DNAAF5: variants seen among roughly 807,000 people sequenced by gnomAD.
DNAAF5 encodes the protein HEAT repeat containing 2.
In DNAAF5, 64 loss-of-function variants were observed where a neutral mutation model predicts 75.8. That is an observed-to-expected ratio of 0.84 (90% CI 0.69 to 1.04). The LOEUF (loss-of-function observed/expected upper bound fraction) is 1.04. DNAAF5 is among the 50% of genes least tolerant of loss of function. The pLI, the probability that DNAAF5 is intolerant of heterozygous loss-of-function variation, is 0.00. For missense variants in DNAAF5, 1,269 were observed against 1,178.5 expected, an observed-to-expected ratio of 1.08 and a Z score of -1.12; for synonymous variants, 657 against 557.2, an observed-to-expected ratio of 1.18 and a Z score of -2.52.
In DNAAF5 at chr7:762,765, C is replaced by G. The variant is rs539606381; in HGVS notation, c.1614+869C>G. 1.2e-3 allele frequency among the ~76,000 whole-genome samples: 175 copies of G among 152,128 alleles called. 1 individual carries two copies. The highest frequency in any genetic ancestry group is 3.8e-3 in the African/African-American group (156 of 41,546). On this transcript the variant is annotated intron_variant, in intron 7 of 12. Transcript: ENST00000297440. ...AGTAGCCGGGATTACAGGCGCCCAC[C>G]ACCATACCCGGCTAATTTTTATATT...
intron 9 of DNAAF5, chr7:771,933 C>T (rs1016390879): frequency 6.6e-6 from 1 of 150,988 alleles, no homozygotes; most frequent in Non-Finnish European, 1.5e-5. Context: ...AATGAACTTA[C>T]TAGCTATTTT....
chr7:735,466 C>A (rs141490366), intron 2 of DNAAF5, among the ~76,000 whole-genome samples: 1 of 141,374 alleles, frequency 7.1e-6, no homozygotes, highest in African/African-American at 2.7e-5. Context: ...GTAGCTGCTC[C>A]CGGTGTAGCT....
Position 754,964 on chromosome 7 carries a change from A to G in DNAAF5, c.1257+143A>G, listed in dbSNP as rs1038514604. On this transcript the variant is annotated intron_variant, in intron 5 of 12. Coordinates refer to ENST00000297440, the MANE Select transcript of DNAAF5 (RefSeq NM_017802.4). The surrounding 1 kb of genome is among the most constrained non-coding windows in gnomAD (Gnocchi z 4.8). ...CGGGCCGCAGGCCCTCCCCACACCC[A>G]GCCCCTGGGAACAACTGATCTCCTT... is the stretch of plus-strand genomic sequence containing the variant. 8.0e-6 allele frequency: 5 copies of G among 623,494 alleles called. No homozygotes were observed. Among genetic ancestry groups the G allele is most frequent in the Non-Finnish European group, 1.4e-5 (5 of 359,060 alleles). 38.6% of individuals were successfully genotyped at this position (623,494 alleles called of 1,614,324 possible). A position where few individuals can be genotyped will look rare whatever the true frequency, so the allele number is the denominator to read the frequency against.
rs1781500159 is a variant in DNAAF5 at position 729,667 on chromosome 7, C to T, written c.600C>T (p.His200=). The stretch of plus-strand genomic sequence containing the variant: ...GGGGGCCTCCCTGTCCCTCAGACCA[C>T]TTCCACATGCAGTCGGAGTCTCTGA... ...AAALAQATPD[H]FHMQSESLIG... Residue 200 remains histidine, a synonymous_variant, in exon 2 of 13, where the codon CAC becomes CAT. Coordinates refer to ENST00000297440, the MANE Select transcript of DNAAF5 (RefSeq NM_017802.4). 6.2e-7 allele frequency: 1 copy of T among 1,613,686 alleles called. No homozygotes were observed. The highest frequency in any genetic ancestry group is 8.5e-7 in the Non-Finnish European group (1 of 1,179,848).
intron 4 of DNAAF5, among the ~76,000 whole-genome samples, chr7:752,248 C>T (rs747238018): frequency 2.0e-5 from 3 of 152,256 alleles, no homozygotes; most frequent in East Asian, 1.9e-4. Flanking sequence ...ACCCCAGATG[C>T]GTCAGGGATC....
chr7:784,834 C>G (rs182133387), intron 12 of DNAAF5, among the ~76,000 whole-genome samples: 1 of 152,334 alleles, frequency 6.6e-6, no homozygotes, highest in East Asian at 1.9e-4. Flanking sequence ...CCTGAAGACT[C>G]TGCAGGACAT....
chr7:734,031 A>G (rs1316291088), intron 2 of DNAAF5, among the ~76,000 whole-genome samples: 1 of 152,210 alleles, frequency 6.6e-6, no homozygotes, highest in African/African-American at 2.4e-5. Context: ...GTTTTTCCAA[A>G]TGTAAGATTA....
At position 774,987 on chromosome 7, in the gene DNAAF5, A is replaced by G. The variant is rs368593766; in HGVS notation, c.2083-19A>G. 1.9e-6 allele frequency: 3 copies of G among 1,613,314 alleles called. No individual in the cohort carries two copies. The African/African-American group carries it at 4.0e-5, about 22-fold the overall frequency. Reference sequence around the variant, plus strand: ...CCAGGACAGATGTGAGTCACGTCGTATGTGTTTGCTGATTGCAGATACGGG... The same window carrying G: ...CCAGGACAGATGTGAGTCACGTCGTGTGTGTTTGCTGATTGCAGATACGGG... On this transcript the variant is annotated intron_variant, in intron 10 of 12. Coordinates refer to ENST00000297440, the MANE Select transcript of DNAAF5 (RefSeq NM_017802.4).
intron 12 of DNAAF5, among the ~76,000 whole-genome samples, chr7:781,624 C>T (rs189319179): frequency 1.3e-5 from 2 of 152,330 alleles, no homozygotes; most frequent in African/African-American, 2.4e-5. Context: ...TTTACATTCC[C>T]ACCAGCAGCG....
chr7:741,424 T>A lies in DNAAF5; in HGVS notation c.983T>A (p.Leu328Gln). Reference sequence around the variant, plus strand: ...AATGAGGAGGACCTGAAGGACAAGCTGGACTTTGCCCCTCCCACCCCACCC... The same window carrying A: ...AATGAGGAGGACCTGAAGGACAAGCAGGACTTTGCCCCTCCCACCCCACCC... Reference protein sequence around the residue: ...KENEEDLKDKLDFAPPTPPHY... With the variant: ...KENEEDLKDKQDFAPPTPPHY... Residue 328 changes from leucine to glutamine, a missense_variant, in exon 4 of 13, where the codon CTG (leucine) becomes CAG (glutamine). By Grantham distance (113) the Leu-to-Gln change is moderately radical. Coordinates refer to ENST00000297440, the MANE Select transcript of DNAAF5 (RefSeq NM_017802.4). 4 of 1,571,976 alleles carry A rather than the reference T, an allele frequency of 2.5e-6. No individual in the cohort carries two copies. The highest frequency in any genetic ancestry group is 3.5e-6 in the Non-Finnish European group (4 of 1,158,802).
chr7:768,761 G>A (rs779524939), intron 8 of DNAAF5: 1 of 190,670 alleles, frequency 5.2e-6, no homozygotes, highest in South Asian at 1.3e-4. Context: ...TCACCCGTCA[G>A]CGTGCTTCTT....
At chr7:782,646 CG>C (rs1779005582) in intron 12 of DNAAF5, among the ~76,000 whole-genome samples, 3 of 143,136 alleles carry the variant, frequency 2.1e-5, no homozygotes, top group East Asian at 4.2e-4. Context: ...GGCCGCCTCC[CG>C]TCACGCAGCG....
chr7:739,267 C>T (rs1456854548), intron 2 of DNAAF5, among the ~76,000 whole-genome samples: 1 of 152,228 alleles, frequency 6.6e-6, no homozygotes, highest in East Asian at 1.9e-4. Context: ...CATCTCAGCA[C>T]ATGGCACTGG....
intron 11 of DNAAF5, among the ~76,000 whole-genome samples, chr7:777,466 A>G (rs750332162): frequency 2.4e-4 from 36 of 152,078 alleles, no homozygotes; most frequent in Non-Finnish European, 4.7e-4. Flanking sequence ...GCAGGAATAA[A>G]GAACAGATGG....
intron 4 of DNAAF5, among the ~76,000 whole-genome samples, chr7:749,723 A>C (rs1277808642): frequency 1.3e-5 from 2 of 152,044 alleles, no homozygotes; most frequent in African/African-American, 4.8e-5. Context: ...TTTGAGGCAG[A>C]CTTGCTCTGT....
intron 4 of DNAAF5, among the ~76,000 whole-genome samples, chr7:750,625 G>A (rs1027750701): frequency 2.6e-5 from 4 of 152,316 alleles, no homozygotes; most frequent in South Asian, 4.1e-4. Flanking sequence ...CTGACAGGAG[G>A]TGGAGCTCAG....
chr7:776,665 G>A (rs991994793), intron 11 of DNAAF5, among the ~76,000 whole-genome samples: 16 of 152,218 alleles, frequency 1.1e-4, no homozygotes, highest in Non-Finnish European at 1.9e-4. Context: ...CACTGGGGAG[G>A]GGAATGGGGT....
At chr7:738,146 C>T (rs949659885) in intron 2 of DNAAF5, among the ~76,000 whole-genome samples, 9 of 152,100 alleles carry the variant, frequency 5.9e-5, no homozygotes, top group Admixed American at 3.3e-4. Flanking sequence ...TCAAATAGCC[C>T]GTCTTCAAGC....
intron 2 of DNAAF5, among the ~76,000 whole-genome samples, chr7:731,358 C>A (rs777993857): frequency 6.6e-6 from 1 of 152,196 alleles, no homozygotes; most frequent in Admixed American, 6.5e-5. Context: ...AATACTGGAA[C>A]TCTGTGGAGC....
Sources: allele counts gnomAD v4.1 joint callset (sites outside exome capture counted in the v4.1 genomes callset), GRCh38; gene constraint gnomAD v4.1.1; non-coding constraint Gnocchi (gnomAD v3.1); transcripts MANE v1.5; gene names NCBI Gene and HGNC (gene_info 2026-07-23, HGNC 2026-07-21).